The following CDC23 variants were observed in gnomAD, a reference collection of about 807,000 sequenced individuals.
CDC23 encodes cell division cycle 23.
In CDC23, 26 loss-of-function variants were observed where a neutral mutation model predicts 81.7. The ratio of observed to expected loss-of-function variants is 0.32; its 90% CI spans 0.23 to 0.44. The LOEUF (loss-of-function observed/expected upper bound fraction) is 0.44, where lower values mean the gene tolerates loss of function less well. Among genes scored for constraint, CDC23 ranks in the 20% least tolerant of loss-of-function variants. The pLI is 1.00. For synonymous variants in CDC23, 267 were observed against 270.8 expected, an observed-to-expected ratio of 0.99 and a Z score of 0.14; for missense variants, 519 against 728.0, an observed-to-expected ratio of 0.71 and a Z score of 3.30.
chr5:138,195,748 T>C lies in CDC23; in HGVS notation c.1012+2451A>G, dbSNP rs1383817938. ...TATATATATACATATAATATATATG[T>C]ATATATATACATATATTATATATGT... On this transcript the variant is annotated intron_variant, in intron 9 of 15. Transcript: ENST00000394886. Among the ~76,000 whole-genome samples, 23 of 113,144 alleles carry C rather than the reference T, an allele frequency of 2.0e-4. No individual in the cohort carries two copies. In the Admixed American group the frequency reaches 2.5e-3, roughly 12 times the overall value. 74.2% of individuals were successfully genotyped at this position (113,144 alleles called of 152,430 possible).
chr5:138,209,781 G>A (rs943619962), intron 2 of CDC23, among the ~76,000 whole-genome samples: 2 of 150,834 alleles, frequency 1.3e-5, no homozygotes, highest in African/African-American at 4.9e-5. Flanking sequence ...CCGATATTGG[G>A]CCATTGCACC....
At chr5:138,209,715 T>G (rs1055309268) in intron 2 of CDC23, among the ~76,000 whole-genome samples, 1 of 151,102 alleles carries the variant, frequency 6.6e-6, no homozygotes, top group Non-Finnish European at 1.5e-5. Context: ...TCCCGGCTAT[T>G]CGGGAGGCTG....
intron 3 of CDC23, among the ~76,000 whole-genome samples, chr5:138,204,748 T>G (rs1476247279): frequency 6.6e-6 from 1 of 151,214 alleles, no homozygotes; most frequent in African/African-American, 2.4e-5. Context: ...GCCTCCCGAG[T>G]AGCTGGGACT....
intron 3 of CDC23, 125 bp from the exon 4 acceptor site, chr5:138,202,280 T>C (rs1561636296): frequency 3.6e-6 from 2 of 559,210 alleles, no homozygotes; most frequent in Non-Finnish European, 6.3e-6. Context: ...TTGGTCATTA[T>C]TTATTTATTT....
At chr5:138,206,347 G>A (rs1755048139) in intron 3 of CDC23, 200 bp downstream of exon 3, 2 of 617,800 alleles carry the variant, frequency 3.2e-6, no homozygotes, top group East Asian at 5.5e-5. Context: ...TACTTATCCT[G>A]TTAGTCATTC....
At chr5:138,195,668 TTATATATGCATATATACATATAA>T (rs1158755000) in intron 9 of CDC23, among the ~76,000 whole-genome samples, 1,312 of 105,976 alleles carry the variant, frequency 0.012, 32 homozygotes, top group African/African-American at 0.043. Context: ...TACATATATT[TTATATATGCATATATACATATAA>T]TATATATGCA....
intron 3 of CDC23, among the ~76,000 whole-genome samples, chr5:138,204,459 C>T (rs1203637160): frequency 6.7e-6 from 1 of 148,860 alleles, no homozygotes; most frequent in Non-Finnish European, 1.5e-5. Flanking sequence ...GAGTTGAGAT[C>T]GCACCACTGC....
At chr5:138,201,506 T>TTTTA (rs1409364515) in intron 4 of CDC23, 58 bp from the exon 5 acceptor site, 31 of 1,161,544 alleles carry the variant, frequency 2.7e-5, no homozygotes, top group African/African-American at 1.4e-4. Flanking sequence ...CATTTTCTTA[T>TTTTA]TTTATTTATT....
chr5:138,202,168 A>G lies in CDC23; in HGVS notation c.373-13T>C. 1 of 1,598,638 alleles carries G rather than the reference A, an allele frequency of 6.3e-7. No individual in the cohort carries two copies. The highest frequency in any genetic ancestry group is 8.6e-7 in the Non-Finnish European group (1 of 1,167,968). ...TTTTTTCTCCAGACTGTAAGAGAAA[A>G]TCAACAAATAGGTCTTTTTTCAGTT... On this transcript the variant is annotated splice_polypyrimidine_tract_variant and intron_variant, in intron 3 of 15. Coordinates refer to ENST00000394886, the MANE Select transcript of CDC23 (RefSeq NM_004661.4).
intron 4 of CDC23, among the ~76,000 whole-genome samples, chr5:138,201,784 A>C (rs562807032): frequency 1.3e-5 from 2 of 152,364 alleles, no homozygotes; most frequent in Admixed American, 1.3e-4. Context: ...ATGGGTTTAC[A>C]GTCATTCTGT....
Position 138,202,141 on chromosome 5 carries a change from C to G in CDC23, c.387G>C (p.Lys129Asn). The change falls in exon 4 of 16, where the codon AAG becomes AAC. Residue 129 changes from lysine to asparagine, a missense_variant. Coordinates refer to ENST00000394886, the MANE Select transcript of CDC23 (RefSeq NM_004661.4). ...MYSRYLSGEK[K>N]KDDETVDSLG... ...AGCTATCAACTGTTTCATCGTCCTT[C>G]TTTTTTTCTCCAGACTGTAAGAGAA... 1 of 1,611,182 alleles carries G rather than the reference C, an allele frequency of 6.2e-7. No homozygotes were observed. Among genetic ancestry groups the G allele is most frequent in the Non-Finnish European group, 8.5e-7 (1 of 1,178,468 alleles).
rs745901774 is a variant in CDC23, at chr5:138,213,057, C to T, written c.168G>A (p.Ala56=). The T allele has an allele frequency of 2.5e-6, 4 of 1,614,068 alleles. No homozygotes were observed. The South Asian group carries it at 3.3e-5, about 13-fold the overall frequency. Reference sequence around the variant, plus strand: ...ATGCAGGGAGAGAGAAAGCCAACTCCGCCGACCTGGAACACCCACACAAAC... The same window carrying T: ...ATGCAGGGAGAGAGAAAGCCAACTCTGCCGACCTGGAACACCCACACAAAC... ...RGLLHSSKWS[A]ELAFSLPALP... The change falls in exon 2 of 16, where the codon GCG becomes GCA. Residue 56 remains alanine, a synonymous_variant. Coordinates refer to ENST00000394886, the MANE Select transcript of CDC23 (RefSeq NM_004661.4).
At chr5:138,205,339 G>C (rs1395747141) in intron 3 of CDC23, among the ~76,000 whole-genome samples, 1 of 151,984 alleles carries the variant, frequency 6.6e-6, no homozygotes, top group Non-Finnish European at 1.5e-5. Flanking sequence ...TAAATACAAT[G>C]GAATATTATT....
intron 2 of CDC23, among the ~76,000 whole-genome samples, chr5:138,207,844 C>G (rs1755069848): frequency 6.6e-6 from 1 of 151,866 alleles, no homozygotes; most frequent in Admixed American, 6.6e-5. Context: ...GGGGTCCCAG[C>G]TACTCGGGAG....
chr5:138,206,799 C>A lies in CDC23; in HGVS notation c.235-115G>T, dbSNP rs533864918. 5.6e-6 allele frequency: 5 copies of A among 887,644 alleles called. No homozygotes were observed. In the African/African-American group the frequency reaches 8.6e-5, roughly 15 times the overall value. The allele number at this position is 887,644 out of a possible 1,614,324, so 55.0% of individuals were successfully genotyped here. A position where few individuals can be genotyped will look rare whatever the true frequency, so the allele number is the denominator to read the frequency against. ...AAAGAAAAAGGATTGTTTTCTTCCT[C>A]CTAAAAACCTAGAATATGTAGATGC... On this transcript the variant is annotated intron_variant, in intron 2 of 15. Transcript: ENST00000394886.
chr5:138,201,589 C>A, intron 4 of CDC23, 141 bp from the exon 5 acceptor site: 1 of 615,110 alleles, frequency 1.6e-6, no homozygotes. Flanking sequence ...TCAAGTGATC[C>A]TTCCGCCTCA....
chr5:138,195,715 T>TATATA (rs1754889137), intron 9 of CDC23, among the ~76,000 whole-genome samples: 3 of 64,066 alleles, frequency 4.7e-5, no homozygotes, highest in Non-Finnish European at 1.0e-4. Flanking sequence ...ATACATATAA[T>TATATA]ATATATGTAT....
At chr5:138,198,114 C>G in intron 9 of CDC23, 85 bp downstream of exon 9, 4 of 1,035,240 alleles carry the variant, frequency 3.9e-6, no homozygotes, top group Non-Finnish European at 5.8e-6. Context: ...CACGCACCAC[C>G]ATCCCTAGCT....
intron 13 of CDC23, 170 bp from the exon 14 acceptor site, chr5:138,190,076 C>T (rs1754809383): frequency 1.6e-6 from 1 of 612,792 alleles, no homozygotes; most frequent in Non-Finnish European, 2.9e-6. Context: ...TTACTGTTAT[C>T]AAAGCTTAGA....
Sources: gnomAD v4.1 joint callset for allele counts (sites outside exome capture counted in the v4.1 genomes callset) on GRCh38, gnomAD v4.1.1 for gene constraint, MANE v1.5 for transcripts, NCBI Gene and HGNC (gene_info 2026-07-23, HGNC 2026-07-21) for gene names.